Variants in MOXD1 observed in about 807,000 individuals in gnomAD.
MOXD1 encodes monooxygenase DBH like 1.
A neutral mutation model predicts 66.6 loss-of-function variants in MOXD1; 62 were observed. That is an observed-to-expected ratio of 0.93 (90% CI 0.76 to 1.15). The LOEUF is 1.15. MOXD1 is among the 50% of genes most tolerant of loss of function. The probability of loss-of-function intolerance (pLI) is 0.00; values close to 1 mark genes in which losing one functional copy is unlikely to be tolerated. For missense variants in MOXD1, 847 were observed against 754.6 expected, an observed-to-expected ratio of 1.12 and a Z score of -1.44; for synonymous variants, 303 against 281.9, an observed-to-expected ratio of 1.07 and a Z score of -0.75.
chr6:132,310,617 C>T (rs750720607), intron 10 of MOXD1, among the ~76,000 whole-genome samples: 2 of 152,110 alleles, frequency 1.3e-5, no homozygotes, highest in Non-Finnish European at 2.9e-5. Context: ...CAGTAATAGA[C>T]TGGATACAGA....
chr6:132,304,061 G>A (rs1179440469), intron 10 of MOXD1, among the ~76,000 whole-genome samples: 1 of 151,576 alleles, frequency 6.6e-6, no homozygotes, highest in African/African-American at 2.4e-5. Context: ...AATAGGGTTT[G>A]AATGTTCATG....
chr6:132,311,164 C>T (rs895486798), intron 10 of MOXD1, among the ~76,000 whole-genome samples: 3 of 152,014 alleles, frequency 2.0e-5, no homozygotes, highest in Non-Finnish European at 4.4e-5. Flanking sequence ...AGCCAAACTG[C>T]TATCCAAATA....
intron 4 of MOXD1, among the ~76,000 whole-genome samples, chr6:132,337,388 G>A (rs563343149): frequency 6.6e-6 from 1 of 152,102 alleles, no homozygotes; most frequent in Non-Finnish European, 1.5e-5. Context: ...TACTCTTCCA[G>A]TTTATTTACT....
Position 132,322,694 on chromosome 6 carries a change from T to A in MOXD1, c.1290A>T (p.Glu430Asp). 1 of 1,613,670 alleles carries A rather than the reference T, an allele frequency of 6.2e-7. No homozygotes were observed. Among genetic ancestry groups the A allele is most frequent in the South Asian group, 1.1e-5 (1 of 91,010 alleles). The change falls in exon 8 of 12, where the codon GAA (glutamate) becomes GAT (aspartate). Residue 430 changes from glutamate to aspartate, a missense_variant. By Grantham distance (45) the Glu-to-Asp change is conservative (BLOSUM62 2). Coordinates refer to ENST00000367963, the MANE Select transcript of MOXD1 (RefSeq NM_015529.4). The part of the protein sequence containing the change: ...NFQEFQYLKE[E>D]QTILPGDNLI... ...ACATGCATACTGGTAAGATTGTTTGTTCTTCCTTTAGATACTGAAACTCCT... is the reference window on the plus strand; with the variant it reads ...ACATGCATACTGGTAAGATTGTTTGATCTTCCTTTAGATACTGAAACTCCT...
At chr6:132,298,061 A>ACATTATCATTTG (rs1774451355) in intron 10 of MOXD1, 106 bp from the exon 11 acceptor site, 15 of 928,622 alleles carry the variant, frequency 1.6e-5, no homozygotes, top group Non-Finnish European at 2.0e-5. Context: ...ATTTTCATAC[A>ACATTATCATTTG]CATAGATAAC....
chr6:132,401,189 C>A lies in MOXD1; in HGVS notation c.238G>T (p.Val80Leu), dbSNP rs1487532951. 1.3e-6 allele frequency: 2 copies of A among 1,543,114 alleles called. No homozygotes were observed. Among genetic ancestry groups the A allele is most frequent in the African/African-American group, 1.4e-5 (1 of 72,398 alleles). ...TGGAGGTAGGGCCGCCCGTGGGCCA[C>A]CCCGCCCACGACGATGTCGGCGGAC... Reference protein sequence around the residue: ...MASADIVVGGVAHGRPYLQDY... With the variant: ...MASADIVVGGLAHGRPYLQDY... Residue 80 changes from valine (V) to leucine (L), a missense_variant, in exon 1 of 12, where the codon GTG (valine) becomes TTG (leucine). Physicochemically the swap from Val to Leu is conservative, Grantham distance 32 (BLOSUM62 1). Coordinates refer to ENST00000367963, the MANE Select transcript of MOXD1 (RefSeq NM_015529.4).
intron 2 of MOXD1, among the ~76,000 whole-genome samples, chr6:132,373,959 A>T (rs184445493): frequency 1.3e-5 from 2 of 152,250 alleles, no homozygotes; most frequent in Admixed American, 1.3e-4. Context: ...CTGAATGTTA[A>T]TCAGAACTGC....
intron 4 of MOXD1, among the ~76,000 whole-genome samples, chr6:132,359,243 C>T (rs1775965826): frequency 6.6e-6 from 1 of 151,832 alleles, no homozygotes; most frequent in African/African-American, 2.4e-5. Context: ...TTTCGGCCTC[C>T]CAACTAGCTG....
chr6:132,324,937 T>C (rs1221999035), intron 6 of MOXD1: 1 of 137,750 alleles, frequency 7.3e-6, no homozygotes, highest in Non-Finnish European at 1.5e-5. Flanking sequence ...TTGCATGTTA[T>C]ATACCCTTCA....
chr6:132,380,495 C>T (rs998748306), intron 1 of MOXD1, among the ~76,000 whole-genome samples: 1 of 152,140 alleles, frequency 6.6e-6, no homozygotes, highest in Admixed American at 6.5e-5. Flanking sequence ...CTTTTTCCTG[C>T]TAAGGCTCAT....
Position 132,372,905 on chromosome 6 carries a change from A to C in MOXD1, c.504T>G (p.Ser168Arg). ...KYHDSNRGTK[S>R]LRLLNPEKTS... ...TTTTCTCAGGATTCAATAACCGCAAACTCTTGGTGCCCCTATTGGAGTCAT... is the reference window on the plus strand; with the variant it reads ...TTTTCTCAGGATTCAATAACCGCAACCTCTTGGTGCCCCTATTGGAGTCAT... Residue 168 changes from serine (S) to arginine (R), a missense_variant, in exon 3 of 12, where the codon AGT becomes AGG. Physicochemically the swap from Ser to Arg is moderately radical, Grantham distance 110. Coordinates refer to ENST00000367963, the MANE Select transcript of MOXD1 (RefSeq NM_015529.4). 6.2e-7 allele frequency: 1 copy of C among 1,613,368 alleles called. No individual in the cohort carries two copies. The highest frequency in any genetic ancestry group is 8.5e-7 in the Non-Finnish European group (1 of 1,179,752).
intron 10 of MOXD1, among the ~76,000 whole-genome samples, chr6:132,305,028 G>A (rs1291641325): frequency 1.3e-5 from 2 of 152,138 alleles, no homozygotes; most frequent in Admixed American, 6.5e-5. Context: ...GATCAGCACC[G>A]CAGCTGCCTA....
intron 1 of MOXD1, chr6:132,391,236 G>A (rs1776754145): frequency 6.6e-6 from 1 of 151,396 alleles, no homozygotes; most frequent in Admixed American, 6.6e-5. Flanking sequence ...ATAAAAGAAA[G>A]AATGGCGTCA....
intron 9 of MOXD1, among the ~76,000 whole-genome samples, chr6:132,316,099 A>G (rs901596292): frequency 2.0e-5 from 3 of 152,180 alleles, no homozygotes; most frequent in Non-Finnish European, 4.4e-5. Flanking sequence ...GAATTTTTGC[A>G]GGAAATTTTT....
chr6:132,331,309 T>G (rs762901595), intron 4 of MOXD1, among the ~76,000 whole-genome samples: 1 of 152,208 alleles, frequency 6.6e-6, no homozygotes, highest in Non-Finnish European at 1.5e-5. Flanking sequence ...TACTGAGCTC[T>G]GTAAGGTAGA....
rs183747273 is a variant in MOXD1, at chr6:132,346,138, A to C, written c.664-17544T>G. Among the ~76,000 whole-genome samples, 90 of 152,196 alleles carry C rather than the reference A, an allele frequency of 5.9e-4. 1 individual carries two copies. The highest frequency in any genetic ancestry group is 2.1e-3 in the African/African-American group (89 of 41,518). On this transcript the variant is annotated intron_variant, in intron 4 of 11. Transcript: ENST00000367963. ...AAGGGCAGAACTTAATTACTAACACATGATTCTCATGATAAAATACCAGAG... is the reference window on the plus strand; with the variant it reads ...AAGGGCAGAACTTAATTACTAACACCTGATTCTCATGATAAAATACCAGAG...
intron 4 of MOXD1, among the ~76,000 whole-genome samples, chr6:132,333,335 C>CAAA (rs35163669): frequency 0.042 from 3,002 of 72,210 alleles, 237 homozygotes; most frequent in African/African-American, 0.11. Flanking sequence ...GACTCCGTCT[C>CAAA]AAAAAAAAAA....
At chr6:132,298,455 T>A (rs1774459007) in intron 10 of MOXD1, among the ~76,000 whole-genome samples, 1 of 152,316 alleles carries the variant, frequency 6.6e-6, no homozygotes, top group South Asian at 2.1e-4. Context: ...AATGGTGTAA[T>A]CAAGAAACCT....
intron 4 of MOXD1, among the ~76,000 whole-genome samples, chr6:132,356,435 T>C (rs541808442): frequency 5.3e-5 from 8 of 152,304 alleles, no homozygotes; most frequent in Admixed American, 4.6e-4. Flanking sequence ...CACATACAGC[T>C]AGTGTGTGAA....
Sources: allele counts gnomAD v4.1 joint callset (sites outside exome capture counted in the v4.1 genomes callset), GRCh38; gene constraint gnomAD v4.1.1; transcripts MANE v1.5; gene names NCBI Gene and HGNC (gene_info 2026-07-23, HGNC 2026-07-21).